The following KANK1 variants were observed in gnomAD, a reference collection of about 807,000 sequenced individuals.
The protein encoded by KANK1 is KN motif and ankyrin repeat domain-containing protein 1.
KANK1 carries 109 observed loss-of-function variants against 106.2 expected under a neutral mutation model. The observed-to-expected ratio is 1.03, with a 90% confidence interval of 0.88 to 1.20. The LOEUF (loss-of-function observed/expected upper bound fraction) is 1.20. Among genes scored for constraint, KANK1 ranks in the 50% most tolerant of loss-of-function variants. The probability of loss-of-function intolerance (pLI) is 0.00; values close to 1 mark genes in which losing one functional copy is unlikely to be tolerated. For synonymous variants in KANK1, 873 were observed against 652.2 expected, an observed-to-expected ratio of 1.34 and a Z score of -5.16; for missense variants, 2,399 against 1,710.7, an observed-to-expected ratio of 1.40 and a Z score of -7.10.
chr9:590,920 G>C (rs1173344401), intron 1 of KANK1, among the ~76,000 whole-genome samples: 1 of 151,674 alleles, frequency 6.6e-6, no homozygotes, highest in Non-Finnish European at 1.5e-5. Flanking sequence ...ACATTGCCTG[G>C]AAGACTGAAC....
chr9:625,089 A>G (rs1357273554), intron 1 of KANK1, among the ~76,000 whole-genome samples: 1 of 152,188 alleles, frequency 6.6e-6, no homozygotes, highest in African/African-American at 2.4e-5. Context: ...GGTGTACAGC[A>G]GTTAGCACCG....
chr9:719,794 A>G (rs934201278), intron 3 of KANK1, among the ~76,000 whole-genome samples: 3 of 152,100 alleles, frequency 2.0e-5, no homozygotes, highest in African/African-American at 7.2e-5. Context: ...CACCCAGACT[A>G]GAGTGCAGTG....
intron 1 of KANK1, among the ~76,000 whole-genome samples, chr9:627,565 A>G (rs1037751128): frequency 2.0e-4 from 30 of 152,244 alleles, no homozygotes; most frequent in Admixed American, 1.6e-3. Flanking sequence ...GTAATGAACA[A>G]TCTTCTTGTT....
intron 1 of KANK1, among the ~76,000 whole-genome samples, chr9:515,175 C>G (rs2059223764): frequency 6.6e-6 from 1 of 151,514 alleles, no homozygotes; most frequent in Middle Eastern, 3.4e-3. Context: ...AACCCTATCT[C>G]TACTAAAAAA....
chr9:584,801 G>C (rs1823041291), intron 1 of KANK1, among the ~76,000 whole-genome samples: 1 of 152,200 alleles, frequency 6.6e-6, no homozygotes, highest in Non-Finnish European at 1.5e-5. Context: ...GGGAAGAAGA[G>C]CAAGCTTGGG....
At chr9:524,263 C>T (rs886244179) in intron 1 of KANK1, among the ~76,000 whole-genome samples, 2 of 151,572 alleles carry the variant, frequency 1.3e-5, no homozygotes, top group African/African-American at 4.9e-5. Context: ...TTCCCTTTTC[C>T]CCAGCCTTTA....
intron 2 of KANK1, among the ~76,000 whole-genome samples, chr9:705,891 G>A (rs1824003186): frequency 6.6e-6 from 1 of 151,958 alleles, no homozygotes; most frequent in South Asian, 2.1e-4. Flanking sequence ...ATGAGCCAGC[G>A]TGCTCTCCAA....
chr9:479,666 A>G (rs1428824717), intron 3 of KANK1, among the ~76,000 whole-genome samples: 11 of 152,200 alleles, frequency 7.2e-5, no homozygotes, highest in Non-Finnish European at 1.5e-5. Flanking sequence ...ATAGGATAAG[A>G]ATATATTTGA....
chr9:551,242 A>G (rs937585660), intron 1 of KANK1, among the ~76,000 whole-genome samples: 1 of 151,576 alleles, frequency 6.6e-6, no homozygotes, highest in Non-Finnish European at 1.5e-5. Flanking sequence ...AGCAGAAGAC[A>G]CACACATTTG....
At chr9:705,502 A>C (rs902504662) in intron 2 of KANK1, among the ~76,000 whole-genome samples, 1 of 151,908 alleles carries the variant, frequency 6.6e-6, no homozygotes, top group African/African-American at 2.4e-5. Flanking sequence ...TTATTCCTTC[A>C]GTAAACGTTG....
chr9:688,968 C>T (rs1443998252), intron 2 of KANK1, among the ~76,000 whole-genome samples: 2 of 152,144 alleles, frequency 1.3e-5, no homozygotes, highest in Admixed American at 6.5e-5. Flanking sequence ...ACAGACCTCA[C>T]CTCTTTTAGG....
At chr9:545,575 C>A (rs2060877534) in intron 1 of KANK1, among the ~76,000 whole-genome samples, 1 of 151,940 alleles carries the variant, frequency 6.6e-6, no homozygotes, top group African/African-American at 2.4e-5. Flanking sequence ...TTCATGGGTG[C>A]TTTTCAAGGA....
chr9:732,051 G>GT (rs927517586), intron 5 of KANK1: 2 of 196,990 alleles, frequency 1.0e-5, no homozygotes, highest in African/African-American at 2.4e-5. Context: ...AAGACATGGG[G>GT]TGGGGGGGGG....
chr9:525,712 A>T (rs763001142), intron 1 of KANK1, among the ~76,000 whole-genome samples: 4 of 151,626 alleles, frequency 2.6e-5, no homozygotes, highest in Admixed American at 1.3e-4. Flanking sequence ...GGCTCTAATA[A>T]GTGTTGCATT....
At chr9:492,787 G>A (rs1205186018) in intron 3 of KANK1, among the ~76,000 whole-genome samples, 3 of 152,040 alleles carry the variant, frequency 2.0e-5, no homozygotes, top group Non-Finnish European at 2.9e-5. Flanking sequence ...CACTTTGGGA[G>A]GCCGAGGCGG....
At chr9:593,154 A>C (rs1464684983) in intron 1 of KANK1, among the ~76,000 whole-genome samples, 1 of 151,742 alleles carries the variant, frequency 6.6e-6, no homozygotes, top group Non-Finnish European at 1.5e-5. Flanking sequence ...ACCTTTCCTA[A>C]CTGCCTCTTA....
At chr9:719,636 C>T (rs1227469848) in intron 3 of KANK1, among the ~76,000 whole-genome samples, 2 of 152,346 alleles carry the variant, frequency 1.3e-5, no homozygotes, top group East Asian at 1.9e-4. Flanking sequence ...AATTTGGAAA[C>T]CCATGGCTAT....
In KANK1 at chr9:660,198, A is replaced by G. The variant is rs1471460945; in HGVS notation, c.-83-16692A>G. The G allele has an allele frequency of 1.0e-5, 3 of 286,930 alleles. No individual in the cohort carries two copies. In the East Asian group the frequency reaches 2.6e-4, roughly 25 times the overall value. The allele number at this position is 286,930 out of a possible 1,614,324, so 17.8% of individuals were successfully genotyped here. ...TTTAAAAAGAAATTTGCCTGCAATGATACTGTAATTGAGCATCCAGAATAT... is the reference window on the plus strand; with the variant it reads ...TTTAAAAAGAAATTTGCCTGCAATGGTACTGTAATTGAGCATCCAGAATAT... On this transcript the variant is annotated intron_variant, in intron 1 of 11. Transcript: ENST00000382297.
At chr9:529,198 T>G (rs1324426131) in intron 1 of KANK1, among the ~76,000 whole-genome samples, 1 of 151,630 alleles carries the variant, frequency 6.6e-6, no homozygotes, top group Non-Finnish European at 1.5e-5. Flanking sequence ...CTGGTATTCC[T>G]CCTTCCAGAG....
Sources: allele counts gnomAD v4.1 joint callset (sites outside exome capture counted in the v4.1 genomes callset), GRCh38; gene constraint gnomAD v4.1.1; transcripts MANE v1.5; gene names NCBI Gene and HGNC (gene_info 2026-07-23, HGNC 2026-07-21).